The following ZSCAN5A variants were observed in gnomAD, a reference collection of about 807,000 sequenced individuals.
ZSCAN5A encodes zinc finger and SCAN domain-containing protein 5A.
In ZSCAN5A, 12 loss-of-function variants were observed where a neutral mutation model predicts 23.7. The ratio of observed to expected loss-of-function variants is 0.51; its 90% CI spans 0.32 to 0.82. The LOEUF is 0.82. Ranked by LOEUF, ZSCAN5A falls within the 40% of genes least tolerant of loss-of-function variation. ZSCAN5A has a pLI of 0.03. For synonymous variants in ZSCAN5A, 257 were observed against 239.9 expected (o/e 1.07, Z -0.66); for missense variants, 597 against 617.9 (o/e 0.97, Z 0.36).
chr19:56,367,119 G>A (rs540058663), intron 1 of ZSCAN5A: 50 of 152,286 alleles, frequency 3.3e-4, no homozygotes, highest in African/African-American at 1.2e-3. Flanking sequence ...CAGCACTTTG[G>A]GAGGTCAATG....
intron 1 of ZSCAN5A, among the ~76,000 whole-genome samples, chr19:56,366,422 CAA>C (rs34420866): frequency 0.16 from 13,298 of 82,836 alleles, 707 homozygotes; most frequent in East Asian, 0.39. Context: ...GACTCTGTCT[CAA>C]AAAAAAAAAA....
chr19:56,244,174 C>T (rs763668928), intron 2 of ZSCAN5A: 9 of 1,611,466 alleles, frequency 5.6e-6, no homozygotes, highest in East Asian at 2.2e-5. Flanking sequence ...AGACTTGTCA[C>T]GTGAACTTCA....
At chr19:56,241,690 T>C (rs992443017) in intron 2 of ZSCAN5A, among the ~76,000 whole-genome samples, 2 of 152,178 alleles carry the variant, frequency 1.3e-5, no homozygotes, top group Admixed American at 6.5e-5. Flanking sequence ...TGAATTCATC[T>C]CTCCAACTGA....
At chr19:56,313,722 C>G (rs1264575182) in intron 1 of ZSCAN5A, among the ~76,000 whole-genome samples, 1 of 152,200 alleles carries the variant, frequency 6.6e-6, no homozygotes, top group South Asian at 2.1e-4. Flanking sequence ...TTTGTAACTT[C>G]TCCTGGATAC....
intron 2 of ZSCAN5A, among the ~76,000 whole-genome samples, chr19:56,336,788 G>C (rs2041541720): frequency 6.6e-6 from 1 of 152,218 alleles, no homozygotes; most frequent in Non-Finnish European, 1.5e-5. Context: ...CTGTTTGTTA[G>C]TTTTCCTTCT....
At chr19:56,290,153 T>C (rs1178561117) in intron 2 of ZSCAN5A, among the ~76,000 whole-genome samples, 1 of 152,188 alleles carries the variant, frequency 6.6e-6, no homozygotes, top group Non-Finnish European at 1.5e-5. Flanking sequence ...TACCAAGGGG[T>C]GGGTCCCAGG....
intron 2 of ZSCAN5A, among the ~76,000 whole-genome samples, chr19:56,273,723 T>C (rs941520727): frequency 6.6e-5 from 10 of 152,056 alleles, no homozygotes; most frequent in Non-Finnish European, 1.2e-4. Flanking sequence ...GTGGTGAGAC[T>C]GTTACAAGTA....
chr19:56,237,642 G>C (rs1312466347), intron 2 of ZSCAN5A, among the ~76,000 whole-genome samples: 1 of 152,098 alleles, frequency 6.6e-6, no homozygotes, highest in African/African-American at 2.4e-5. Flanking sequence ...TTATGGGCCG[G>C]GGCGCGGTGG....
chr19:56,234,988 G>C (rs2034766386), intron 2 of ZSCAN5A, among the ~76,000 whole-genome samples: 1 of 152,266 alleles, frequency 6.6e-6, no homozygotes, highest in African/African-American at 2.4e-5. Flanking sequence ...TTCTAGGCAA[G>C]ATTAGGCAGC....
chr19:56,227,407 C>G (rs111245360), intron 2 of ZSCAN5A, among the ~76,000 whole-genome samples: 310 of 152,294 alleles, frequency 2.0e-3, no homozygotes, highest in African/African-American at 7.1e-3. Context: ...CCAGAGGGCG[C>G]CTGCTGCTGC....
At chr19:56,301,008 C>A (rs2040191412) in intron 2 of ZSCAN5A, among the ~76,000 whole-genome samples, 1 of 152,048 alleles carries the variant, frequency 6.6e-6, no homozygotes, top group Non-Finnish European at 1.5e-5. Context: ...TGGGCAGAGG[C>A]AGCCATCAAG....
At chr19:56,281,554 G>A (rs962032289) in intron 2 of ZSCAN5A, 16 of 287,888 alleles carry the variant, frequency 5.6e-5, no homozygotes, top group Non-Finnish European at 8.3e-5. Context: ...TATAACAACA[G>A]GCAAATAAAT....
chr19:56,252,904 G>T (rs1019258329), intron 2 of ZSCAN5A, among the ~76,000 whole-genome samples: 1 of 152,218 alleles, frequency 6.6e-6, no homozygotes, highest in African/African-American at 2.4e-5. Context: ...CCCCATTCAC[G>T]TGGGGCTGAC....
intron 2 of ZSCAN5A, chr19:56,321,225 T>C (rs1216496485): frequency 3.0e-6 from 2 of 670,968 alleles, no homozygotes; most frequent in Non-Finnish European, 5.6e-6. Flanking sequence ...AGGACTTGGA[T>C]GGTGTGTAAT....
intron 2 of ZSCAN5A, chr19:56,343,530 T>G: frequency 2.6e-6 from 1 of 384,536 alleles, no homozygotes; most frequent in Non-Finnish European, 5.1e-6. Context: ...TAAGTGTATT[T>G]TCATTGACGG....
chr19:56,225,248 C>T, intron 2 of ZSCAN5A, 75 bp from the exon 3 acceptor site: 1 of 1,323,630 alleles, frequency 7.6e-7, no homozygotes. Flanking sequence ...ATCCCTCATC[C>T]TGGATGCCAC....
chr19:56,247,157 G>A (rs1356598020), intron 2 of ZSCAN5A: 1 of 635,542 alleles, frequency 1.6e-6, no homozygotes, highest in African/African-American at 1.8e-5. Context: ...TGTAATTTCT[G>A]TGAGAGGTGC....
chr19:56,301,769 CCTGA>C (rs2040248156), intron 2 of ZSCAN5A, among the ~76,000 whole-genome samples: 1 of 151,318 alleles, frequency 6.6e-6, no homozygotes, highest in African/African-American at 2.4e-5. Flanking sequence ...AAAAGGCATT[CCTGA>C]CTGTTTGTCT....
At chr19:56,256,918 C>T (rs2036738848) in intron 2 of ZSCAN5A, among the ~76,000 whole-genome samples, 2 of 151,778 alleles carry the variant, frequency 1.3e-5, no homozygotes, top group Admixed American at 6.6e-5. Context: ...AAAAAGCAAA[C>T]AGGTGGTTCT....
Sources: allele counts gnomAD v4.1 joint callset (sites outside exome capture counted in the v4.1 genomes callset), GRCh38; gene constraint gnomAD v4.1.1; transcripts MANE v1.5; gene names NCBI Gene and HGNC (gene_info 2026-07-23, HGNC 2026-07-21).